REPS2: variants seen among roughly 807,000 people sequenced by gnomAD.
REPS2 encodes the protein ralBP1-associated Eps domain-containing protein 2.
A neutral mutation model predicts 53.6 loss-of-function variants in REPS2; 23 were observed. The observed-to-expected ratio is 0.43, with a 90% CI of 0.31 to 0.61. The LOEUF is 0.61. Among genes scored for constraint, REPS2 ranks in the 20% least tolerant of loss-of-function variants. The probability of loss-of-function intolerance (pLI) is 0.11; values close to 1 mark genes in which losing one functional copy is unlikely to be tolerated. For synonymous variants in REPS2, 238 were observed against 218.6 expected, an observed-to-expected ratio of 1.09 and a Z score of -0.78; for missense variants, 446 against 534.9, an observed-to-expected ratio of 0.83 and a Z score of 1.64.
intron 1 of REPS2, among the ~76,000 whole-genome samples, chrX:16,976,255 C>T (rs535919020): frequency 9.0e-6 from 1 of 111,469 alleles, no homozygotes; most frequent in South Asian, 3.8e-4. Context: ...GCATGAGTTA[C>T]TGTATTATAA....
At position 17,050,194 on chromosome X, in the gene REPS2, CTTTTTT is replaced by C. The variant is rs200986826; in HGVS notation, c.908-2177_908-2172del. Among the ~76,000 whole-genome samples, 55 of 51,784 alleles carry C rather than the reference CTTTTTT, an allele frequency of 1.1e-3. 2 individuals are homozygous for C. Among genetic ancestry groups the C allele is most frequent in the East Asian group, 6.4e-3 (5 of 783 alleles). 45.0% of individuals were successfully genotyped at this position (51,784 alleles called of 115,157 possible). On this transcript the variant is annotated intron_variant, in intron 6 of 17. Coordinates refer to ENST00000357277, the MANE Select transcript of REPS2 (RefSeq NM_004726.3). ...TCTTTCTTTCTTTCTTTCTTTCTTT[CTTTTTT>C]TTTTTTTTTTGACAGGGTCTTACTC...
At chrX:17,012,138 G>C (rs1262145070) in intron 2 of REPS2, among the ~76,000 whole-genome samples, 2 of 110,343 alleles carry the variant, frequency 1.8e-5, no homozygotes, top group African/African-American at 6.6e-5. Context: ...CTAGCACTTT[G>C]GGAGGCCGAG....
intron 13 of REPS2, among the ~76,000 whole-genome samples, chrX:17,083,798 C>T (rs899758979): frequency 2.7e-5 from 3 of 110,974 alleles, no homozygotes; most frequent in Non-Finnish European, 3.8e-5. Context: ...ATTCCTGACC[C>T]ACCCCAAACC....
Position 17,106,509 on chromosome X carries a change from G to A in REPS2, c.1578+2730G>A, listed in dbSNP as rs1295075649. Among the ~76,000 whole-genome samples the A allele has an allele frequency of 2.8e-5, 3 of 108,574 alleles. No individual in the cohort carries two copies. In the Admixed American group the frequency reaches 3.0e-4, roughly 11 times the overall value. The allele number at this position is 108,574 out of a possible 115,157, so 94.3% of individuals were successfully genotyped here. ...GCTCACTGCAAGCTCTGCCTCCCGG[G>A]TGCACGCCATTCTCCTGTCTCAGCC... On this transcript the variant is annotated intron_variant, in intron 14 of 17. Coordinates refer to ENST00000357277, the MANE Select transcript of REPS2 (RefSeq NM_004726.3).
chrX:17,008,344 C>T (rs1409098433), intron 2 of REPS2, among the ~76,000 whole-genome samples: 1 of 112,277 alleles, frequency 8.9e-6, no homozygotes, highest in Non-Finnish European at 1.9e-5. Flanking sequence ...ACTTTTGTTA[C>T]TTATTTTAAG....
intron 13 of REPS2, chrX:17,100,377 G>A: frequency 2.2e-6 from 1 of 450,164 alleles, no homozygotes; most frequent in Non-Finnish European, 3.9e-6. Flanking sequence ...AAAGGAATCG[G>A]TGCTGCGCTA....
intron 2 of REPS2, among the ~76,000 whole-genome samples, chrX:17,018,962 C>A (rs1039678685): frequency 6.3e-5 from 7 of 110,304 alleles, no homozygotes; most frequent in East Asian, 5.7e-4. Flanking sequence ...CCACCATGCC[C>A]AGCTGATTTT....
At chrX:17,070,078 C>T in intron 11 of REPS2, 85 bp downstream of exon 11, 1 of 424,094 alleles carries the variant, frequency 2.4e-6, no homozygotes, top group East Asian at 4.6e-5. Context: ...AGATTGATAC[C>T]TCTGTGATAG....
intron 13 of REPS2, among the ~76,000 whole-genome samples, chrX:17,095,816 T>C (rs1450855358): frequency 9.0e-6 from 1 of 111,088 alleles, no homozygotes; most frequent in African/African-American, 3.3e-5. Context: ...CTTTCCTCAT[T>C]TTACCCCTAC....
chrX:17,048,977 C>T (rs1250986723), intron 6 of REPS2, among the ~76,000 whole-genome samples: 1 of 111,807 alleles, frequency 8.9e-6, no homozygotes, highest in African/African-American at 3.2e-5. Context: ...CTCACTGCAG[C>T]CTCCGCCTCC....
chrX:17,156,267 C>T (rs1044827648), downstream of REPS2, among the ~76,000 whole-genome samples: 2 of 110,844 alleles, frequency 1.8e-5, no homozygotes, highest in South Asian at 3.8e-4. Context: ...CCTTTATTTG[C>T]CCTGAAATCC....
intron 1 of REPS2, among the ~76,000 whole-genome samples, chrX:16,962,211 A>G (rs1278383689): frequency 4.6e-5 from 5 of 109,411 alleles, no homozygotes; most frequent in Non-Finnish European, 9.5e-5. Context: ...ATTATTCGCA[A>G]TAGCCAAGAT....
At chrX:17,081,356 G>A (rs755022243) in intron 13 of REPS2, among the ~76,000 whole-genome samples, 1 of 112,206 alleles carries the variant, frequency 8.9e-6, no homozygotes, top group African/African-American at 3.2e-5. Flanking sequence ...AAAGGAATAA[G>A]CAGGAAATAG....
At chrX:16,992,286 C>T (rs1299704148) in intron 1 of REPS2, among the ~76,000 whole-genome samples, 1 of 111,106 alleles carries the variant, frequency 9.0e-6, no homozygotes, top group African/African-American at 3.3e-5. Flanking sequence ...AGAGAGTGAG[C>T]CCTCACTATA....
intron 5 of REPS2, 113 bp downstream of exon 5, chrX:17,029,736 C>T: frequency 2.1e-6 from 1 of 475,690 alleles, no homozygotes; most frequent in South Asian, 3.4e-5. Context: ...TAAAACTGAT[C>T]CTTCATGCAA....
chrX:17,195,902 A>G, the REPS2 span, among the ~76,000 whole-genome samples: 1 of 112,692 alleles, frequency 8.9e-6, no homozygotes, highest in Non-Finnish European at 1.9e-5. Context: ...ACCAATTTTC[A>G]TTTTCTTGAA....
chrX:17,142,444 G>A (rs1024976776), intron 17 of REPS2, among the ~76,000 whole-genome samples: 16 of 111,493 alleles, frequency 1.4e-4, no homozygotes, highest in African/African-American at 2.9e-4. Context: ...TGCAAAACAC[G>A]TATTTGATAA....
chrX:17,040,425 A>G (rs958555120), intron 5 of REPS2, among the ~76,000 whole-genome samples: 1 of 112,126 alleles, frequency 8.9e-6, no homozygotes, highest in Non-Finnish European at 1.9e-5. Context: ...TCATTCAGCA[A>G]ATAACTTATT....
the REPS2 span, among the ~76,000 whole-genome samples, chrX:17,161,201 T>G: frequency 9.0e-6 from 1 of 111,354 alleles, no homozygotes; most frequent in Admixed American, 9.6e-5. Context: ...ATAAGCAGAA[T>G]TTTGGCTGTC....
Sources: allele counts gnomAD v4.1 joint callset (sites outside exome capture counted in the v4.1 genomes callset), GRCh38; gene constraint gnomAD v4.1.1; transcripts MANE v1.5; gene names NCBI Gene and HGNC (gene_info 2026-07-23, HGNC 2026-07-21).